Variants in KAZN observed in about 807,000 individuals in gnomAD.
KAZN encodes the protein kazrin.
In KAZN, 40 loss-of-function variants were observed where a neutral mutation model predicts 87.4. The ratio of observed to expected loss-of-function variants is 0.46; its 90% confidence interval spans 0.36 to 0.60. KAZN has a LOEUF of 0.60. Ranked by LOEUF, KAZN falls within the 20% of genes least tolerant of loss-of-function variation. KAZN has a pLI of 0.00. For synonymous variants in KAZN, 466 were observed against 458.3 expected (o/e 1.02, Z -0.22); for missense variants, 898 against 1,073.9 (o/e 0.84, Z 2.29).
intron 1 of KAZN, among the ~76,000 whole-genome samples, chr1:14,075,767 TG>T (rs1643429910): frequency 6.6e-6 from 1 of 152,152 alleles, no homozygotes; most frequent in African/African-American, 2.4e-5. Flanking sequence ...TTCTTTGCTG[TG>T]GGGCTGCCCT....
At chr1:14,899,740 C>T (rs1484649406) in intron 1 of KAZN, among the ~76,000 whole-genome samples, 1 of 152,178 alleles carries the variant, frequency 6.6e-6, no homozygotes, top group Non-Finnish European at 1.5e-5. Context: ...CTCCTTCCCT[C>T]CCTATGGGTT....
chr1:14,679,146 GA>G (rs1238514165), intron 1 of KAZN, among the ~76,000 whole-genome samples: 1 of 152,146 alleles, frequency 6.6e-6, no homozygotes, highest in Non-Finnish European at 1.5e-5. Flanking sequence ...AATTACCGTT[GA>G]AAATATAGTT....
At chr1:15,042,628 G>A (rs974332670) in intron 3 of KAZN, among the ~76,000 whole-genome samples, 1 of 152,176 alleles carries the variant, frequency 6.6e-6, no homozygotes, top group Non-Finnish European at 1.5e-5. Flanking sequence ...ACTGAGGCAG[G>A]GATGACTCAC....
chr1:13,991,998 T>C (rs909324613), intron 1 of KAZN, among the ~76,000 whole-genome samples: 8 of 152,126 alleles, frequency 5.3e-5, no homozygotes, highest in Admixed American at 2.6e-4. Context: ...CCACCACCAC[T>C]ACCTACCACT....
chr1:15,056,181 G>T lies in KAZN; in HGVS notation c.817G>T (p.Glu273Ter), dbSNP rs1469941524. ...CGAGACGGTGCTCAATGGCAACCAG[G>T]AGTGGGTGGTGCAGGCGGACCTCCC... The part of the protein sequence containing the change: ...PGETVLNGNQ[E>*]WVVQADLPLT... The change falls in exon 5 of 15, where the codon GAG becomes TAG. Residue 273 changes from glutamate to a stop codon, truncating the protein, a stop_gained. Coordinates refer to ENST00000376030, the MANE Select transcript of KAZN (RefSeq NM_201628.3). LOFTEE classifies it high-confidence loss of function. This position sits in a 1 kb window ranked among gnomAD's most constrained non-coding sequence, Gnocchi z 5.4. The T allele has an allele frequency of 6.2e-7, 1 of 1,614,168 alleles. No homozygotes were observed. Among genetic ancestry groups the T allele is most frequent in the Non-Finnish European group, 8.5e-7 (1 of 1,180,034 alleles).
chr1:14,892,347 A>G, intron 1 of KAZN, among the ~76,000 whole-genome samples: 1 of 151,984 alleles, frequency 6.6e-6, no homozygotes, highest in East Asian at 1.9e-4. Context: ...ATGGGAAGAG[A>G]GGCATCTGTC....
At chr1:14,966,232 G>A (rs1277130523) in intron 2 of KAZN, among the ~76,000 whole-genome samples, 3 of 151,938 alleles carry the variant, frequency 2.0e-5, no homozygotes, top group African/African-American at 4.8e-5. Context: ...TGCCTGCCTC[G>A]GCCTCCCAAA....
intron 1 of KAZN, among the ~76,000 whole-genome samples, chr1:13,894,475 A>G (rs1248096954): frequency 6.6e-6 from 1 of 152,046 alleles, no homozygotes; most frequent in African/African-American, 2.4e-5. Context: ...GGTGCTTAAG[A>G]CATGCTTATG....
chr1:14,196,428 G>T (rs900444555), intron 2 of KAZN, among the ~76,000 whole-genome samples: 2 of 152,128 alleles, frequency 1.3e-5, no homozygotes, highest in Admixed American at 1.3e-4. Context: ...CCTCTCCAAG[G>T]TGGTGAGAAA....
chr1:14,171,929 C>T (rs559612461), intron 1 of KAZN, among the ~76,000 whole-genome samples: 9 of 152,282 alleles, frequency 5.9e-5, no homozygotes, highest in Admixed American at 4.6e-4. Context: ...TGTGTATCTT[C>T]TATTTTTGCT....
chr1:14,515,069 C>G (rs1333757576), intron 2 of KAZN, among the ~76,000 whole-genome samples: 2 of 152,024 alleles, frequency 1.3e-5, no homozygotes. Flanking sequence ...CCCCATGTAC[C>G]CAGTTCTTCT....
At position 14,662,944 on chromosome 1, in the gene KAZN, A is replaced by AATAT. The variant is rs3085966; in HGVS notation, c.226+63732_226+63735dup. Among the ~76,000 whole-genome samples the AATAT allele has an allele frequency of 1.2e-3, 167 of 142,838 alleles. 2 individuals are homozygous for AATAT. Among genetic ancestry groups the AATAT allele is most frequent in the Middle Eastern group, 7.2e-3 (2 of 276 alleles). 93.7% of individuals were successfully genotyped at this position (142,838 alleles called of 152,430 possible). A position where few individuals can be genotyped will look rare whatever the true frequency, so the allele number is the denominator to read the frequency against. On this transcript the variant is annotated intron_variant, in intron 1 of 14. Transcript: ENST00000376030. Reference sequence around the variant, plus strand: ...TATATATGTATATATTATATATGTAAATATATATATATATGCACACATATA... The same window carrying AATAT: ...TATATATGTATATATTATATATGTAAATATATATATATATATATGCACACATATA...
At chr1:14,501,872 G>T (rs1455118425) in intron 2 of KAZN, among the ~76,000 whole-genome samples, 2 of 152,168 alleles carry the variant, frequency 1.3e-5, no homozygotes, top group Non-Finnish European at 2.9e-5. Flanking sequence ...AAAGAATCCA[G>T]TCATATTGTA....
intron 1 of KAZN, among the ~76,000 whole-genome samples, chr1:14,880,032 G>A (rs1191977223): frequency 6.6e-6 from 1 of 152,160 alleles, no homozygotes; most frequent in East Asian, 1.9e-4. Flanking sequence ...TCAGACACAT[G>A]CTCACTGTAG....
intron 2 of KAZN, among the ~76,000 whole-genome samples, chr1:14,470,300 C>T (rs1336778394): frequency 2.0e-5 from 3 of 152,098 alleles, no homozygotes; most frequent in African/African-American, 7.2e-5. Flanking sequence ...TTCACGGTCC[C>T]CTAAGTAAAC....
At chr1:14,967,592 C>G (rs953168656) in intron 2 of KAZN, among the ~76,000 whole-genome samples, 1 of 152,264 alleles carries the variant, frequency 6.6e-6, no homozygotes, top group East Asian at 1.9e-4. Context: ...CCCAGTGGAT[C>G]ACAAGGGCCC....
At chr1:14,272,759 G>A (rs565281242) in intron 2 of KAZN, among the ~76,000 whole-genome samples, 41 of 152,338 alleles carry the variant, frequency 2.7e-4, no homozygotes, top group African/African-American at 9.9e-4. Flanking sequence ...TTGGGAGGCT[G>A]AGGCCGGAGA....
intron 2 of KAZN, among the ~76,000 whole-genome samples, chr1:14,587,440 A>G (rs1444550287): frequency 6.9e-6 from 1 of 144,410 alleles, no homozygotes; most frequent in African/African-American, 2.5e-5. Flanking sequence ...CAACTCAAAA[A>G]AAAAAAGAAA....
intron 1 of KAZN, among the ~76,000 whole-genome samples, chr1:14,133,106 C>A (rs550772915): frequency 1.4e-4 from 22 of 152,078 alleles, no homozygotes; most frequent in African/African-American, 2.4e-4. Flanking sequence ...CAGTGGCTCA[C>A]GCCTGTAATC....
Sources: gnomAD v4.1 joint callset for allele counts (sites outside exome capture counted in the v4.1 genomes callset) on GRCh38, gnomAD v4.1.1 for gene constraint, Gnocchi (gnomAD v3.1) non-coding constraint, MANE v1.5 for transcripts, NCBI Gene and HGNC (gene_info 2026-07-23, HGNC 2026-07-21) for gene names.